The following NPAT variants were observed in gnomAD, a reference collection of about 807,000 sequenced individuals.
NPAT encodes the protein protein NPAT.
A neutral mutation model predicts 130.7 loss-of-function variants in NPAT; 52 were observed. That is an observed-to-expected ratio of 0.40 (90% CI 0.32 to 0.50). NPAT has a LOEUF of 0.50. Among genes scored for constraint, NPAT ranks in the 20% least tolerant of loss-of-function variants. The pLI is 0.68. For synonymous variants in NPAT, 580 were observed against 584.8 expected (o/e 0.99, Z 0.12); for missense variants, 1,687 against 1,662.6 (o/e 1.01, Z -0.26).
intron 1 of NPAT, among the ~76,000 whole-genome samples, chr11:108,214,899 C>T (rs893953858): frequency 2.6e-5 from 4 of 152,202 alleles, no homozygotes; most frequent in Admixed American, 2.0e-4. Context: ...TCCCAAAGTG[C>T]TGGGATTACA....
intron 6 of NPAT, 41 bp from the exon 7 acceptor site, chr11:108,188,220 A>C (rs1394566550): frequency 1.4e-6 from 2 of 1,429,826 alleles, no homozygotes; most frequent in South Asian, 2.3e-5. Flanking sequence ...AAAGAAACTG[A>C]ATAGTTTTCT....
In NPAT at chr11:108,158,954, A is replaced by G; in HGVS notation, c.4272T>C (p.His1424=). 6.3e-7 allele frequency: 1 copy of G among 1,595,530 alleles called. No homozygotes were observed. ...MDVDKFLLSL[H]YDE ...GTGTCCAGAATGTTTACTCATCATA[A>G]TGCAATGATAACAAAAATTTGTCTA... The change falls in exon 18 of 18, where the codon CAT becomes CAC. Residue 1424 remains histidine, a synonymous_variant. Transcript: ENST00000278612.
intron 4 of NPAT, 103 bp downstream of exon 4, chr11:108,192,015 T>C (rs2078174608): frequency 1.2e-6 from 1 of 830,040 alleles, no homozygotes; most frequent in Non-Finnish European, 2.1e-6. Context: ...ATTTCAAAAC[T>C]GGATGAGTGT....
chr11:108,162,080 G>C (rs2077857648), intron 16 of NPAT, 40 bp downstream of exon 16: 1 of 1,611,210 alleles, frequency 6.2e-7, no homozygotes, highest in Non-Finnish European at 8.5e-7. Context: ...TTAAATCTGA[G>C]CATTCAAACA....
chr11:108,163,963 G>A (rs1318269948), intron 15 of NPAT, among the ~76,000 whole-genome samples: 1 of 152,170 alleles, frequency 6.6e-6, no homozygotes, highest in African/African-American at 2.4e-5. Flanking sequence ...AGCCAAACAG[G>A]AAAAGTTGAA....
chr11:108,200,325 A>G (rs1196557879), intron 1 of NPAT, among the ~76,000 whole-genome samples: 1 of 152,024 alleles, frequency 6.6e-6, no homozygotes, highest in African/African-American at 2.4e-5. Context: ...CTTTAATCTG[A>G]TATTTTTCCC....
At chr11:108,214,035 G>A (rs773580311) in intron 1 of NPAT, among the ~76,000 whole-genome samples, 1 of 152,086 alleles carries the variant, frequency 6.6e-6, no homozygotes, top group African/African-American at 2.4e-5. Context: ...CTAGAGGCAT[G>A]TACCACCAAA....
Position 108,186,537 on chromosome 11 carries a change from CCAGA to C in NPAT, c.667_670del (p.Ser223AlafsTer17), listed in dbSNP as rs749051499. 7 of 1,613,966 alleles carry C rather than the reference CCAGA, an allele frequency of 4.3e-6. No individual in the cohort carries two copies. Among genetic ancestry groups the C allele is most frequent in the South Asian group, 1.1e-5 (1 of 91,078 alleles). On this transcript the variant is annotated frameshift_variant, in exon 8 of 18. Coordinates refer to ENST00000278612, the MANE Select transcript of NPAT (RefSeq NM_002519.3). LOFTEE classifies it high-confidence loss of function. ...GAAATTCCGTATTGTTGAATGAGGG[CCAGA>C]CAAAGTGGTACTTTTTCTCTGAGAT...
chr11:108,209,807 T>C (rs895370524), intron 1 of NPAT, among the ~76,000 whole-genome samples: 1 of 144,924 alleles, frequency 6.9e-6, no homozygotes, highest in South Asian at 2.1e-4. Flanking sequence ...GAGAATGGCA[T>C]GAACCTGGGA....
intron 1 of NPAT, among the ~76,000 whole-genome samples, chr11:108,201,378 C>G (rs1020959899): frequency 6.6e-6 from 1 of 152,228 alleles, no homozygotes; most frequent in Admixed American, 6.5e-5. Flanking sequence ...AACTAAGACT[C>G]ACTCCCTAAT....
intron 12 of NPAT, 53 bp from the exon 13 acceptor site, chr11:108,173,904 G>A (rs542644939): frequency 2.0e-6 from 3 of 1,518,876 alleles, no homozygotes; most frequent in Admixed American, 3.4e-5. Flanking sequence ...CAGCTTCTGA[G>A]GTAGTCATTT....
chr11:108,161,705 A>T lies in NPAT; in HGVS notation c.3381T>A (p.Ile1127=). ...REKEKPPLPK[I]LSKSESAISR... is the part of the protein sequence containing the mutation. ...TAATGGCACTTTCCGATTTAGATAA[A>T]ATCTTAGGCAGAGGAGGCTTCTCTT... The change falls in exon 17 of 18, where the codon ATT becomes ATA. Residue 1127 remains isoleucine (I), a synonymous_variant. Transcript: ENST00000278612. The T allele has an allele frequency of 6.2e-7, 1 of 1,613,804 alleles. No homozygotes were observed. The highest frequency in any genetic ancestry group is 1.1e-5 in the South Asian group (1 of 91,074).
intron 3 of NPAT, among the ~76,000 whole-genome samples, chr11:108,193,683 C>T (rs2078192586): frequency 6.6e-6 from 1 of 151,990 alleles, no homozygotes; most frequent in African/African-American, 2.4e-5. Context: ...TGAGATTACG[C>T]CACTGCACTC....
intron 1 of NPAT, among the ~76,000 whole-genome samples, chr11:108,206,173 A>G (rs772983397): frequency 5.3e-5 from 8 of 152,262 alleles, no homozygotes; most frequent in Admixed American, 3.3e-4. Flanking sequence ...ATGAAGGTGT[A>G]ATTTATATGA....
intron 6 of NPAT, 120 bp from the exon 7 acceptor site, chr11:108,188,299 G>C: frequency 1.3e-6 from 1 of 772,094 alleles, no homozygotes; most frequent in South Asian, 1.5e-5. Flanking sequence ...CATGTACTGA[G>C]TGCCTACCAT....
chr11:108,215,808 T>C lies in NPAT; in HGVS notation c.37+6692A>G, dbSNP rs184883590. 7.6e-4 allele frequency among the ~76,000 whole-genome samples: 116 copies of C among 152,266 alleles called. 1 individual carries two copies. The highest frequency in any genetic ancestry group is 2.5e-3 in the African/African-American group (104 of 41,560). ...TAACTAATAAGAAGAAACAAACAAA[T>C]ATACAAATCAAAAACCAAAGGCATT... On this transcript the variant is annotated intron_variant, in intron 1 of 17. Transcript: ENST00000278612.
chr11:108,179,160 T>C (rs1021072641), intron 10 of NPAT, among the ~76,000 whole-genome samples: 2 of 152,188 alleles, frequency 1.3e-5, no homozygotes, highest in Non-Finnish European at 2.9e-5. Flanking sequence ...GTTGGGAAAA[T>C]TGAATACTTA....
intron 1 of NPAT, among the ~76,000 whole-genome samples, chr11:108,206,569 A>G (rs2078327094): frequency 6.6e-6 from 1 of 152,256 alleles, no homozygotes; most frequent in South Asian, 2.1e-4. Flanking sequence ...GCTTGGAGAC[A>G]TCAAGAATCC....
At chr11:108,200,028 T>C (rs2078259608) in intron 1 of NPAT, among the ~76,000 whole-genome samples, 1 of 152,220 alleles carries the variant, frequency 6.6e-6, no homozygotes, top group Non-Finnish European at 1.5e-5. Context: ...AACTTGGTTT[T>C]TGTCTGTTCT....
Sources: allele counts gnomAD v4.1 joint callset (sites outside exome capture counted in the v4.1 genomes callset), GRCh38; gene constraint gnomAD v4.1.1; transcripts MANE v1.5; gene names NCBI Gene and HGNC (gene_info 2026-07-23, HGNC 2026-07-21).